Variants in BLK observed in about 807,000 individuals in gnomAD.
The protein encoded by BLK is BLK proto-oncogene, Src family tyrosine kinase.
In BLK, 64 loss-of-function variants were observed where a neutral mutation model predicts 61.8. That is an observed-to-expected ratio of 1.03 (90% CI 0.85 to 1.27). BLK has a LOEUF of 1.27. BLK is among the 50% of genes most tolerant of loss of function. The pLI is 0.00. For missense variants in BLK, 853 were observed against 660.5 expected (o/e 1.29, Z -3.19); for synonymous variants, 351 against 272.0 (o/e 1.29, Z -2.86).
chr8:11,560,588 C>G, intron 10 of BLK: 2 of 326,816 alleles, frequency 6.1e-6, no homozygotes, highest in South Asian at 5.0e-5. Flanking sequence ...GTTTCCTCAG[C>G]TAAAAGGTGC....
intron 1 of BLK, among the ~76,000 whole-genome samples, chr8:11,504,976 G>A (rs1798712993): frequency 1.3e-5 from 2 of 152,034 alleles, no homozygotes; most frequent in South Asian, 4.2e-4. Flanking sequence ...ACACATACAT[G>A]CACACAGACA....
rs577843321 is a variant in BLK, at chr8:11,541,861, G to C, written c.-1-1363G>C. On this transcript the variant is annotated intron_variant, in intron 1 of 12. Transcript: ENST00000259089. Reference sequence around the variant, plus strand: ...ATCTCTGAAAACTGAAGTGATACTTGTAACCCTGGCACTATAATTCACTTA... The same window carrying C: ...ATCTCTGAAAACTGAAGTGATACTTCTAACCCTGGCACTATAATTCACTTA... Among the ~76,000 whole-genome samples, 3 of 152,274 alleles carry C rather than the reference G, an allele frequency of 2.0e-5. No homozygotes were observed. In the South Asian group the frequency reaches 6.2e-4, roughly 32 times the overall value.
chr8:11,558,776 A>C (rs1476883481), intron 10 of BLK: 2 of 455,918 alleles, frequency 4.4e-6, no homozygotes, highest in Admixed American at 2.4e-5. Flanking sequence ...TCAGCAGAAA[A>C]GTTTTGGTCT....
intron 9 of BLK, 34 bp downstream of exon 9, chr8:11,556,871 G>A (rs751925726): frequency 1.5e-5 from 24 of 1,608,480 alleles, no homozygotes; most frequent in Middle Eastern, 1.7e-4. Context: ...TCCTCAGAGC[G>A]AGGCGGGAGG....
chr8:11,563,281 T>C (rs1801576769), intron 12 of BLK, among the ~76,000 whole-genome samples, 171 bp downstream of exon 12: 1 of 152,202 alleles, frequency 6.6e-6, no homozygotes, highest in Middle Eastern at 3.2e-3. Context: ...CCTGCATCAC[T>C]ATTGCTCTGG....
At chr8:11,528,898 G>A (rs973621342) in intron 1 of BLK, among the ~76,000 whole-genome samples, 2 of 152,098 alleles carry the variant, frequency 1.3e-5, no homozygotes, top group South Asian at 2.1e-4. Flanking sequence ...GGAGCTGAAC[G>A]GTGAGAACAT....
In BLK at chr8:11,564,452, C is replaced by T. The variant is rs1563129069; in HGVS notation, c.*344C>T. On this transcript the variant is annotated 3_prime_UTR_variant, in exon 13 of 13. Coordinates refer to ENST00000259089, the MANE Select transcript of BLK (RefSeq NM_001715.3). ...TGCTGGGCACCCCCCGTGCTGGCCG[C>T]GTCCCCGCCTCTGCGCCCTGCGTGG... is the stretch of plus-strand genomic sequence containing the variant. 1.8e-6 allele frequency: 1 copy of T among 557,838 alleles called. No individual in the cohort carries two copies. The highest frequency in any genetic ancestry group is 1.9e-5 in the African/African-American group (1 of 53,872). 34.6% of individuals were successfully genotyped at this position (557,838 alleles called of 1,614,324 possible). A position where few individuals can be genotyped will look rare whatever the true frequency, so the allele number is the denominator to read the frequency against.
chr8:11,528,019 T>C (rs1347744797), intron 1 of BLK, among the ~76,000 whole-genome samples: 2 of 152,030 alleles, frequency 1.3e-5, no homozygotes, highest in African/African-American at 4.8e-5. Context: ...GGGGTTAGTT[T>C]TGGGGAGGGA....
At chr8:11,499,925 G>A (rs962596144) in intron 1 of BLK, among the ~76,000 whole-genome samples, 3 of 151,612 alleles carry the variant, frequency 2.0e-5, no homozygotes, top group South Asian at 4.2e-4. Context: ...CTGTTGTATT[G>A]TATGTATTTT....
Position 11,556,681 on chromosome 8 carries a change from G to C in BLK, c.796G>C (p.Val266Leu). The C allele has an allele frequency of 1.2e-5, 20 of 1,614,146 alleles. No individual in the cohort carries two copies. Among genetic ancestry groups the C allele is most frequent in the Non-Finnish European group, 1.7e-5 (20 of 1,180,030 alleles). The change falls in exon 9 of 13, where the codon GTG becomes CTG. Residue 266 changes from valine to leucine, a missense_variant. Transcript: ENST00000259089. ...AGGTTACTACAAAAACAACATGAAG[G>C]TGGCCATTAAGACGCTGAAGGAGGG... is the stretch of plus-strand genomic sequence containing the variant. ...WMGYYKNNMK[V>L]AIKTLKEGTM... is the part of the protein sequence containing the mutation.
intron 1 of BLK, among the ~76,000 whole-genome samples, chr8:11,525,146 T>C (rs749500609): frequency 6.6e-6 from 1 of 152,222 alleles, no homozygotes; most frequent in Admixed American, 6.5e-5. Flanking sequence ...GTCACCTCTT[T>C]CGTGCTGACC....
rs561089710 is a variant in BLK, at chr8:11,526,668, G to C, written c.-1-16556G>C. On this transcript the variant is annotated intron_variant, in intron 1 of 12. Transcript: ENST00000259089. ...TGGGAGGTGGAGGTTGCAGTGAGCTGAGACTGTGCCAGTGCACTCCAGCCT... is the reference window on the plus strand; with the variant it reads ...TGGGAGGTGGAGGTTGCAGTGAGCTCAGACTGTGCCAGTGCACTCCAGCCT... 6.6e-5 allele frequency among the ~76,000 whole-genome samples: 10 copies of C among 152,310 alleles called. No individual in the cohort carries two copies. The South Asian group carries it at 1.7e-3, about 25-fold the overall frequency.
chr8:11,561,391 C>A lies in BLK; in HGVS notation c.1119C>A (p.Cys373Ter). The A allele has an allele frequency of 6.2e-7, 1 of 1,614,136 alleles. No homozygotes were observed. The highest frequency in any genetic ancestry group is 1.3e-5 in the African/African-American group (1 of 75,046). Residue 373 changes from cysteine to a stop codon, truncating the protein, a stop_gained, in exon 11 of 13, where the codon TGC becomes TGA. Coordinates refer to ENST00000259089, the MANE Select transcript of BLK (RefSeq NM_001715.3). LOFTEE classifies it high-confidence loss of function. ...ACATCCTGGTGTCTGAGGCCTTGTG[C>A]TGCAAAATTGCTGATTTTGGCTTGG... ...AANILVSEALCCKIADFGLAR... is the reference protein window; with the variant it reads ...AANILVSEAL
Position 11,563,010 on chromosome 8 carries a change from G to A in BLK, c.1212G>A (p.Pro404=), listed in dbSNP as rs756907349. 3.3e-5 allele frequency: 53 copies of A among 1,614,016 alleles called. No individual in the cohort carries two copies. The highest frequency in any genetic ancestry group is 8.8e-5 in the South Asian group (8 of 91,086). ...GAKFPIKWTA[P]EAIHFGVFTI... ...AGTTCCCCATCAAGTGGACAGCCCC[G>A]GAAGCCATCCACTTCGGGGTCTTCA... Residue 404 remains proline, a synonymous_variant, in exon 12 of 13, where the codon CCG becomes CCA. Transcript: ENST00000259089.
chr8:11,551,319 G>A (rs896331865), intron 6 of BLK, among the ~76,000 whole-genome samples: 9 of 152,122 alleles, frequency 5.9e-5, no homozygotes, highest in South Asian at 2.1e-4. Context: ...GGCTCCTCCC[G>A]GGAGCTCTCT....
rs142845476 is a variant in BLK, at chr8:11,545,157, C to A, written c.124-895C>A. Among the ~76,000 whole-genome samples the A allele has an allele frequency of 5.3e-3, 801 of 152,298 alleles. 7 individuals carry two copies. The highest frequency in any genetic ancestry group is 0.016 in the African/African-American group (673 of 41,548). On this transcript the variant is annotated intron_variant, in intron 2 of 12. Coordinates refer to ENST00000259089, the MANE Select transcript of BLK (RefSeq NM_001715.3). ...GTGTTACGCATGTGAAACATATCGA[C>A]GTTGATGCACGTGGCTGTTGCTCAT...
At chr8:11,496,608 C>T (rs1200352044) in intron 1 of BLK, among the ~76,000 whole-genome samples, 1 of 152,192 alleles carries the variant, frequency 6.6e-6, no homozygotes, top group Non-Finnish European at 1.5e-5. Context: ...TCTCATCTGC[C>T]CAGCGAAGCT....
intron 1 of BLK, among the ~76,000 whole-genome samples, chr8:11,508,963 C>T (rs1210580860): frequency 6.6e-6 from 1 of 152,094 alleles, no homozygotes; most frequent in Non-Finnish European, 1.5e-5. Flanking sequence ...CTCATCAATT[C>T]CCCCCAGCTG....
chr8:11,505,459 G>A (rs1317489896), intron 1 of BLK, among the ~76,000 whole-genome samples: 1 of 152,124 alleles, frequency 6.6e-6, no homozygotes, highest in Non-Finnish European at 1.5e-5. Flanking sequence ...CTCAATGCAG[G>A]GCCAACTGTA....
Sources: gnomAD v4.1 joint callset for allele counts (sites outside exome capture counted in the v4.1 genomes callset) on GRCh38, gnomAD v4.1.1 for gene constraint, MANE v1.5 for transcripts, NCBI Gene and HGNC (gene_info 2026-07-23, HGNC 2026-07-21) for gene names.